Variants in ABCG8 observed in about 807,000 individuals in gnomAD.
The protein encoded by ABCG8 is ATP-binding cassette sub-family G member 8.
In ABCG8, 81 loss-of-function variants were observed where a neutral mutation model predicts 71.3. The observed-to-expected ratio is 1.14, with a 90% CI of 0.95 to 1.37. The LOEUF (loss-of-function observed/expected upper bound fraction) is 1.37. ABCG8 is among the 40% of genes most tolerant of loss of function. The pLI, the probability that ABCG8 is intolerant of heterozygous loss-of-function variation, is 0.00. For synonymous variants in ABCG8, 451 were observed against 354.7 expected, an observed-to-expected ratio of 1.27 and a Z score of -3.05; for missense variants, 1,119 against 866.2, an observed-to-expected ratio of 1.29 and a Z score of -3.66.
intron 6 of ABCG8, among the ~76,000 whole-genome samples, chr2:43,863,317 C>G (rs1669398459): frequency 6.6e-6 from 1 of 151,580 alleles, no homozygotes; most frequent in African/African-American, 2.4e-5. Context: ...CTCTCACTAT[C>G]TATCTGGATA....
intron 6 of ABCG8, among the ~76,000 whole-genome samples, chr2:43,858,283 T>C (rs906609755): frequency 6.6e-6 from 1 of 151,042 alleles, no homozygotes; most frequent in African/African-American, 2.4e-5. Flanking sequence ...TCTCACTAAC[T>C]GGATAGAATT....
Position 43,878,389 on chromosome 2 carries a change from G to T in ABCG8, c.*476G>T, listed in dbSNP as rs1219815199. ...AAAGTGACCTAAGATGTACCAGCAA[G>T]ATGCCATCCCTTCTTTTTGTGTGGG... On this transcript the variant is annotated 3_prime_UTR_variant, in exon 13 of 13. Transcript: ENST00000272286. 4.2e-6 allele frequency: 1 copy of T among 237,898 alleles called. No individual in the cohort carries two copies. Among genetic ancestry groups the T allele is most frequent in the Non-Finnish European group, 8.4e-6 (1 of 118,506 alleles). The allele number at this position is 237,898 out of a possible 1,614,324, so 14.7% of individuals were successfully genotyped here.
intron 2 of ABCG8, 51 bp downstream of exon 2, chr2:43,844,659 G>T (rs767703852): frequency 6.9e-7 from 1 of 1,449,196 alleles, no homozygotes; most frequent in Non-Finnish European, 9.7e-7. Flanking sequence ...GGACAGCCAG[G>T]AAATTCCCCG....
chr2:43,856,261 T>C (rs940341731), intron 6 of ABCG8, among the ~76,000 whole-genome samples: 4 of 151,932 alleles, frequency 2.6e-5, no homozygotes, highest in African/African-American at 9.7e-5. Context: ...CTGACAGAAC[T>C]CTCAATATCT....
At chr2:43,849,900 G>A (rs1478606183) in intron 3 of ABCG8, among the ~76,000 whole-genome samples, 1 of 152,140 alleles carries the variant, frequency 6.6e-6, no homozygotes, top group South Asian at 2.1e-4. Flanking sequence ...GGTTTTTGGA[G>A]ATCAAAACTC....
intron 11 of ABCG8, among the ~76,000 whole-genome samples, chr2:43,876,123 C>G (rs750983314): frequency 1.6e-4 from 24 of 152,144 alleles, no homozygotes; most frequent in Admixed American, 4.6e-4. Flanking sequence ...GCCGCTGAGT[C>G]TCCTCAGCCC....
chr2:43,865,544 T>C (rs1158810937), intron 6 of ABCG8, among the ~76,000 whole-genome samples: 1 of 146,542 alleles, frequency 6.8e-6, no homozygotes, highest in Non-Finnish European at 1.5e-5. Context: ...TCTATCTGGA[T>C]AGAATTCTCA....
chr2:43,871,930 G>A (rs758860195), intron 6 of ABCG8, 46 bp from the exon 7 acceptor site: 2 of 1,613,014 alleles, frequency 1.2e-6, no homozygotes, highest in South Asian at 2.2e-5. Flanking sequence ...CTGTGAGCAG[G>A]TGCCAGGGAA....
At chr2:43,867,207 G>C (rs188598840) in intron 6 of ABCG8, among the ~76,000 whole-genome samples, 3 of 108,344 alleles carry the variant, frequency 2.8e-5, no homozygotes, top group African/African-American at 1.1e-4. Context: ...GGGGTGGGGG[G>C]AGGGGGGAGG....
chr2:43,857,521 A>T (rs543293471), intron 6 of ABCG8, among the ~76,000 whole-genome samples: 2 of 151,330 alleles, frequency 1.3e-5, no homozygotes, highest in East Asian at 3.9e-4. Flanking sequence ...CTCACTATCT[A>T]TATGGAAAGA....
chr2:43,872,046 C>T lies in ABCG8; in HGVS notation c.1035C>T (p.Leu345=), dbSNP rs1215863532. The T allele has an allele frequency of 3.1e-6, 5 of 1,613,962 alleles. No homozygotes were observed. Among genetic ancestry groups the T allele is most frequent in the Admixed American group, 1.7e-5 (1 of 60,010 alleles). ...CCACCAGGGAGAAGGCTCAGTCACT[C>T]GCAGCCCTGTTTCTAGAAAAAGTGC... ...ELATREKAQS[L]AALFLEKVRD... Residue 345 remains leucine (L), a synonymous_variant, in exon 7 of 13, where the codon CTC becomes CTT. Transcript: ENST00000272286.
chr2:43,857,068 T>G (rs1391487681), intron 6 of ABCG8, among the ~76,000 whole-genome samples: 1 of 151,836 alleles, frequency 6.6e-6, no homozygotes, highest in Admixed American at 6.6e-5. Context: ...GATAGAATTC[T>G]CACTATCTGC....
chr2:43,858,616 A>G (rs569224620), intron 6 of ABCG8, among the ~76,000 whole-genome samples: 14 of 150,846 alleles, frequency 9.3e-5, no homozygotes, highest in Admixed American at 6.6e-4. Context: ...AACTCTCACT[A>G]TCTATCTGGA....
chr2:43,880,166 A>ATTTTTTTTTT lies in ABCG8; in HGVS notation c.*2259_*2260insTTTTTTTTTT, dbSNP rs200243054. 2 of 102,536 alleles carry ATTTTTTTTTT rather than the reference A, an allele frequency of 2.0e-5. 1 individual carries two copies. The allele number at this position is 102,536 out of a possible 1,614,324, so 6.4% of individuals were successfully genotyped here. ...TGAAACAACCAAGAGTTTCAGGCTCATTTTTTGTTTTGTTTTTTTTTTTTT... is the reference window on the plus strand; with the variant it reads ...TGAAACAACCAAGAGTTTCAGGCTCATTTTTTTTTTTTTTTTGTTTTGTTTTTTTTTTTTT... On this transcript the variant is annotated 3_prime_UTR_variant, in exon 13 of 13. Coordinates refer to ENST00000272286, the MANE Select transcript of ABCG8 (RefSeq NM_022437.3).
intron 6 of ABCG8, among the ~76,000 whole-genome samples, chr2:43,867,831 A>G (rs554066593): frequency 6.6e-6 from 1 of 151,608 alleles, no homozygotes; most frequent in African/African-American, 2.4e-5. Context: ...CACTCTCTAG[A>G]TAGAATTCTC....
chr2:43,871,071 T>C (rs1363831331), intron 6 of ABCG8, among the ~76,000 whole-genome samples: 2 of 151,262 alleles, frequency 1.3e-5, no homozygotes, highest in African/African-American at 2.4e-5. Context: ...TAGATAGAAC[T>C]CTCACTATCT....
intron 4 of ABCG8, among the ~76,000 whole-genome samples, chr2:43,852,120 A>G (rs1668938444): frequency 2.6e-5 from 4 of 152,214 alleles, no homozygotes; most frequent in African/African-American, 7.2e-5. Flanking sequence ...ATGGTCCCCA[A>G]TACACTGCCA....
intron 6 of ABCG8, among the ~76,000 whole-genome samples, chr2:43,866,885 A>G (rs1669548109): frequency 6.6e-6 from 1 of 151,274 alleles, no homozygotes; most frequent in African/African-American, 2.4e-5. Context: ...TGCTATAAAG[A>G]CACATGCACA....
At chr2:43,857,142 G>A (rs147686747) in intron 6 of ABCG8, among the ~76,000 whole-genome samples, 17 of 136,100 alleles carry the variant, frequency 1.2e-4, no homozygotes, top group South Asian at 1.0e-3. Context: ...TATCTATCTG[G>A]ATAGAATTCT....
Sources: allele counts gnomAD v4.1 joint callset (sites outside exome capture counted in the v4.1 genomes callset), GRCh38; gene constraint gnomAD v4.1.1; transcripts MANE v1.5; gene names NCBI Gene and HGNC (gene_info 2026-07-23, HGNC 2026-07-21).